Variants in ZNF521 observed in about 807,000 individuals in gnomAD.
ZNF521 encodes the protein LYST-interacting protein 3.
ZNF521 carries 14 observed loss-of-function variants against 105.5 expected under a neutral mutation model. The observed-to-expected ratio is 0.13, with a 90% CI of 0.09 to 0.21. The LOEUF is 0.21. ZNF521 is among the 10% of genes least tolerant of loss of function. The pLI is 1.00. For missense variants in ZNF521, 1,233 were observed against 1,629.7 expected (o/e 0.76, Z 4.19); for synonymous variants, 635 against 606.0 (o/e 1.05, Z -0.70).
intron 4 of ZNF521, among the ~76,000 whole-genome samples, chr18:25,208,368 CA>C (rs1253262158): frequency 9.2e-5 from 14 of 152,282 alleles, no homozygotes; most frequent in African/African-American, 3.4e-4. Flanking sequence ...ATCTAAACAG[CA>C]TTTTAAATTT....
chr18:25,224,215 A>C (rs1600174802), intron 4 of ZNF521, 130 bp downstream of exon 4: 2 of 903,634 alleles, frequency 2.2e-6, no homozygotes, highest in East Asian at 5.1e-5. Flanking sequence ...GGGGAAAAAG[A>C]AACCCACTGC....
intron 5 of ZNF521, among the ~76,000 whole-genome samples, chr18:25,110,162 G>A (rs186888509): frequency 6.6e-6 from 1 of 152,292 alleles, no homozygotes; most frequent in African/African-American, 2.4e-5. Context: ...TTATCAAAGT[G>A]GGTTTCCCAT....
At chr18:25,311,200 AC>A (rs1174809002) in intron 3 of ZNF521, among the ~76,000 whole-genome samples, 1 of 152,130 alleles carries the variant, frequency 6.6e-6, no homozygotes, top group African/African-American at 2.4e-5. Context: ...GATCTCTGTG[AC>A]ATTGCTACCA....
chr18:25,115,493 T>C (rs995296969), intron 5 of ZNF521, among the ~76,000 whole-genome samples: 1 of 152,204 alleles, frequency 6.6e-6, no homozygotes, highest in Non-Finnish European at 1.5e-5. Context: ...ATTAGCTGGT[T>C]CTTATACCTA....
At chr18:25,164,186 A>G (rs760904602) in intron 5 of ZNF521, among the ~76,000 whole-genome samples, 1 of 152,174 alleles carries the variant, frequency 6.6e-6, no homozygotes, top group Non-Finnish European at 1.5e-5. Context: ...GAATAGTTAA[A>G]TAAAGTATGC....
intron 5 of ZNF521, among the ~76,000 whole-genome samples, chr18:25,163,911 C>T (rs1382360105): frequency 6.6e-6 from 1 of 152,118 alleles, no homozygotes; most frequent in Non-Finnish European, 1.5e-5. Context: ...TGTCCTTTCA[C>T]TATAAATGAT....
intron 3 of ZNF521, among the ~76,000 whole-genome samples, chr18:25,309,874 C>A (rs1006025530): frequency 3.3e-5 from 5 of 152,030 alleles, no homozygotes; most frequent in African/African-American, 1.2e-4. Flanking sequence ...GTTTTGTTGG[C>A]ACAACCAAAA....
At chr18:25,343,966 A>G (rs922214114) in intron 2 of ZNF521, among the ~76,000 whole-genome samples, 2 of 152,164 alleles carry the variant, frequency 1.3e-5, no homozygotes, top group African/African-American at 4.8e-5. Flanking sequence ...TGCCATAATA[A>G]TGATACCCAC....
chr18:25,143,321 A>G (rs961172549), intron 5 of ZNF521, among the ~76,000 whole-genome samples: 1 of 152,162 alleles, frequency 6.6e-6, no homozygotes, highest in Non-Finnish European at 1.5e-5. Flanking sequence ...CTGGTAAGAG[A>G]CGGGGATATA....
chr18:25,186,454 G>A (rs1052364563), intron 5 of ZNF521, among the ~76,000 whole-genome samples: 3 of 152,114 alleles, frequency 2.0e-5, no homozygotes, highest in African/African-American at 7.2e-5. Context: ...AAAATGACTT[G>A]GAATAACAGG....
chr18:25,324,080 T>C (rs1913077115), intron 2 of ZNF521, among the ~76,000 whole-genome samples: 1 of 152,200 alleles, frequency 6.6e-6, no homozygotes, highest in African/African-American at 2.4e-5. Context: ...CCCATTTCGG[T>C]ATACCAGGAT....
intron 3 of ZNF521, among the ~76,000 whole-genome samples, chr18:25,233,533 A>C (rs961191444): frequency 9.2e-5 from 14 of 152,244 alleles, no homozygotes; most frequent in African/African-American, 3.1e-4. Context: ...TAAATGAATT[A>C]ACAGTTAGGT....
At chr18:25,269,278 G>A (rs889095103) in intron 3 of ZNF521, among the ~76,000 whole-genome samples, 1 of 152,126 alleles carries the variant, frequency 6.6e-6, no homozygotes, top group Non-Finnish European at 1.5e-5. Flanking sequence ...GGAGCACCCA[G>A]ATTCATAAAG....
At chr18:25,315,240 C>A (rs1912537355) in intron 3 of ZNF521, among the ~76,000 whole-genome samples, 1 of 152,202 alleles carries the variant, frequency 6.6e-6, no homozygotes, top group East Asian at 1.9e-4. Flanking sequence ...TGGGGCAAGA[C>A]AGGTGGTTTC....
intron 5 of ZNF521, among the ~76,000 whole-genome samples, chr18:25,192,096 C>A (rs2035828467): frequency 6.6e-6 from 1 of 152,088 alleles, no homozygotes; most frequent in Admixed American, 6.6e-5. Context: ...TGTTTTGTAG[C>A]TCTTTTTGCG....
At chr18:25,104,012 G>A (rs1403824287) in intron 5 of ZNF521, among the ~76,000 whole-genome samples, 2 of 152,058 alleles carry the variant, frequency 1.3e-5, no homozygotes, top group African/African-American at 4.8e-5. Flanking sequence ...TAGTTAATAA[G>A]TCTATCTGTT....
rs542610398 is a variant in ZNF521, at chr18:25,296,605, T to G, written c.220+25403A>C. On this transcript the variant is annotated intron_variant, in intron 3 of 7. Transcript: ENST00000361524. ...ACAAACACTGTTCTTTAGAGAGTGTTTTGGCCTTCTCAGGTCACACAATGG... is the reference window on the plus strand; with the variant it reads ...ACAAACACTGTTCTTTAGAGAGTGTGTTGGCCTTCTCAGGTCACACAATGG... Among the ~76,000 whole-genome samples the G allele has an allele frequency of 1.1e-3, 171 of 152,256 alleles. 1 individual carries two copies. Among genetic ancestry groups the G allele is most frequent in the African/African-American group, 4.0e-3 (165 of 41,552 alleles).
rs376075882 is a variant in ZNF521 at position 25,207,553 on chromosome 18, T to C, written c.3574-12309A>G. 5.1e-4 allele frequency among the ~76,000 whole-genome samples: 77 copies of C among 152,330 alleles called. 1 individual carries two copies. Among genetic ancestry groups the C allele is most frequent in the African/African-American group, 1.7e-3 (70 of 41,584 alleles). On this transcript the variant is annotated intron_variant, in intron 4 of 7. Coordinates refer to ENST00000361524, the MANE Select transcript of ZNF521 (RefSeq NM_015461.3). ...ATTCAAAGGTTTCCTGTCACTTAAG[T>C]AGTAACGTCTTAGTTTTCTCTTAAG...
At chr18:25,085,298 A>G (rs975538012) in intron 7 of ZNF521, among the ~76,000 whole-genome samples, 4 of 151,270 alleles carry the variant, frequency 2.6e-5, no homozygotes, top group African/African-American at 9.7e-5. Flanking sequence ...CAGTCCAGAT[A>G]TATATCTGTA....
Sources: gnomAD v4.1 joint callset for allele counts (sites outside exome capture counted in the v4.1 genomes callset) on GRCh38, gnomAD v4.1.1 for gene constraint, MANE v1.5 for transcripts, NCBI Gene and HGNC (gene_info 2026-07-23, HGNC 2026-07-21) for gene names.